Variants in PTPRM observed in about 807,000 individuals in gnomAD.
The protein encoded by PTPRM is receptor-type tyrosine-protein phosphatase mu.
In PTPRM, 47 loss-of-function variants were observed where a neutral mutation model predicts 186.7. The ratio of observed to expected loss-of-function variants is 0.25; its 90% CI spans 0.20 to 0.32. PTPRM has a LOEUF of 0.32. Ranked by LOEUF, PTPRM falls within the 10% of genes least tolerant of loss-of-function variation. PTPRM has a pLI of 1.00. For missense variants in PTPRM, 1,494 were observed against 1,865.0 expected (o/e 0.80, Z 3.66); for synonymous variants, 668 against 674.9 (o/e 0.99, Z 0.16).
At chr18:8,293,978 C>A (rs1011536597) in intron 19 of PTPRM, among the ~76,000 whole-genome samples, 27 of 152,146 alleles carry the variant, frequency 1.8e-4, no homozygotes, top group Admixed American at 3.9e-4. Flanking sequence ...CAAGGCTAGG[C>A]ACAGTGGCTC....
At chr18:7,913,505 T>C (rs920471333) in intron 4 of PTPRM, among the ~76,000 whole-genome samples, 1 of 152,194 alleles carries the variant, frequency 6.6e-6, no homozygotes, top group African/African-American at 2.4e-5. Flanking sequence ...TTCCTTTTTC[T>C]TCCTAGTTTG....
chr18:7,963,273 G>C (rs2053802060), intron 7 of PTPRM, among the ~76,000 whole-genome samples: 1 of 152,144 alleles, frequency 6.6e-6, no homozygotes, highest in Admixed American at 6.5e-5. Flanking sequence ...CAGAGATTCT[G>C]TAATTAATAC....
At chr18:7,996,962 A>G (rs1348442833) in intron 7 of PTPRM, among the ~76,000 whole-genome samples, 3 of 152,170 alleles carry the variant, frequency 2.0e-5, no homozygotes, top group African/African-American at 7.2e-5. Flanking sequence ...AAATACCTGT[A>G]TTACCTAAAG....
intron 14 of PTPRM, among the ~76,000 whole-genome samples, chr18:8,230,525 C>T (rs2094273896): frequency 6.6e-6 from 1 of 152,184 alleles, no homozygotes; most frequent in Non-Finnish European, 1.5e-5. Flanking sequence ...GTTCTCTAGC[C>T]ATGTGGCCAT....
At chr18:7,686,927 G>A (rs2144614690) in intron 1 of PTPRM, among the ~76,000 whole-genome samples, 1 of 152,274 alleles carries the variant, frequency 6.6e-6, no homozygotes, top group African/African-American at 2.4e-5. Flanking sequence ...TGACATCAGA[G>A]AGAAAGCTCC....
rs565092317 is a variant in PTPRM at position 8,287,362 on chromosome 18, C to T, written c.2755-9006C>T. On this transcript the variant is annotated intron_variant, in intron 19 of 32. Coordinates refer to ENST00000580170, the MANE Select transcript of PTPRM (RefSeq NM_001105244.2). The stretch of plus-strand genomic sequence containing the variant: ...GTGTGTCACACATGTTGAGTCTCAC[C>T]GCCCTTCATGTGGCCATGGTGTCAG... Among the ~76,000 whole-genome samples, 18 of 152,254 alleles carry T rather than the reference C, an allele frequency of 1.2e-4. No individual in the cohort carries two copies. The South Asian group carries it at 2.7e-3, about 23-fold the overall frequency.
chr18:8,367,576 G>T (rs939678284), intron 23 of PTPRM, among the ~76,000 whole-genome samples: 4 of 152,270 alleles, frequency 2.6e-5, no homozygotes, highest in Non-Finnish European at 5.9e-5. Context: ...CCGACGCGCG[G>T]GGGCGCCCGG....
At chr18:8,234,247 C>CT (rs1198873115) in intron 14 of PTPRM, among the ~76,000 whole-genome samples, 1 of 151,998 alleles carries the variant, frequency 6.6e-6, no homozygotes, top group Non-Finnish European at 1.5e-5. Context: ...TTATTTAGTT[C>CT]TTTGATTTCT....
At position 7,949,317 on chromosome 18, in the gene PTPRM, G is replaced by A. The variant is rs1659414090; in HGVS notation, c.800G>A (p.Gly267Asp). The A allele has an allele frequency of 6.2e-7, 1 of 1,613,950 alleles. No individual in the cohort carries two copies. ...CGCTGCATGATTCGCACTGAAGGAG[G>A]TGTTGGAATATCAAACTATGCAGAG... ...KYRCMIRTEG[G>D]VGISNYAELV... The change falls in exon 6 of 33, where the codon GGT becomes GAT. Residue 267 changes from glycine (G) to aspartate (D), a missense_variant. Transcript: ENST00000580170.
chr18:8,054,605 A>G (rs1243226028), intron 7 of PTPRM, among the ~76,000 whole-genome samples: 1 of 151,874 alleles, frequency 6.6e-6, no homozygotes, highest in Non-Finnish European at 1.5e-5. Flanking sequence ...AGATCTTACA[A>G]CACTGTAACT....
intron 2 of PTPRM, among the ~76,000 whole-genome samples, chr18:7,800,491 G>A (rs974399881): frequency 6.6e-6 from 1 of 152,146 alleles, no homozygotes; most frequent in African/African-American, 2.4e-5. Flanking sequence ...TGTATTTGTA[G>A]CCATCACATG....
chr18:8,078,883 A>G (rs2089976145), intron 9 of PTPRM, among the ~76,000 whole-genome samples: 1 of 152,078 alleles, frequency 6.6e-6, no homozygotes, highest in African/African-American at 2.4e-5. Context: ...TTCACTCATC[A>G]CCAAGGGGGT....
chr18:8,103,172 C>T (rs2145570229), intron 11 of PTPRM, among the ~76,000 whole-genome samples: 1 of 152,252 alleles, frequency 6.6e-6, no homozygotes, highest in South Asian at 2.1e-4. Context: ...CTTAAGGGCC[C>T]TAGGATGGTA....
At chr18:7,892,836 G>C (rs550253348) in intron 3 of PTPRM, among the ~76,000 whole-genome samples, 437 of 152,246 alleles carry the variant, frequency 2.9e-3, no homozygotes, top group Middle Eastern at 6.8e-3. Context: ...ACACAGTTAG[G>C]GGGAGGTCAG....
At chr18:7,580,197 G>C (rs929251770) in intron 1 of PTPRM, among the ~76,000 whole-genome samples, 1 of 152,170 alleles carries the variant, frequency 6.6e-6, no homozygotes, top group Non-Finnish European at 1.5e-5. Flanking sequence ...AGATTAGTTT[G>C]TCAGATGGCA....
At chr18:8,003,815 C>A (rs532869738) in intron 7 of PTPRM, among the ~76,000 whole-genome samples, 34 of 152,334 alleles carry the variant, frequency 2.2e-4, no homozygotes, top group Non-Finnish European at 3.7e-4. Context: ...CATTCCTTAC[C>A]TGCTCTCCTA....
intron 5 of PTPRM, among the ~76,000 whole-genome samples, chr18:7,947,507 C>T (rs1029881928): frequency 2.0e-5 from 3 of 152,166 alleles, no homozygotes; most frequent in African/African-American, 2.4e-5. Context: ...TGTAGGCTAG[C>T]ATTTTCATAG....
At chr18:8,062,942 C>G (rs1316317311) in intron 7 of PTPRM, among the ~76,000 whole-genome samples, 4 of 147,018 alleles carry the variant, frequency 2.7e-5, no homozygotes, top group African/African-American at 1.0e-4. Flanking sequence ...AGAGGTGGAG[C>G]CTACAGAGGC....
chr18:8,296,399 A>G lies in PTPRM; in HGVS notation c.2786A>G (p.Asp929Gly), dbSNP rs2095097552. Residue 929 changes from aspartate to glycine, a missense_variant, in exon 20 of 33, where the codon GAC becomes GGC. Physicochemically the swap from Asp to Gly is moderately conservative, Grantham distance 94 (BLOSUM62 -1). This residue lies in a region of PTPRM where 1,107 missense variants were observed against 1,350.2 expected (regional missense o/e 0.82). Coordinates refer to ENST00000580170, the MANE Select transcript of PTPRM (RefSeq NM_001105244.2). ...TTTGAAGGGCAGTCTGCACCATGGG[A>G]CTCGGCTAAGAAAGATGAGAACAGA... is the stretch of plus-strand genomic sequence containing the variant. ...SFFEGQSAPW[D>G]SAKKDENRMK... 6.2e-7 allele frequency: 1 copy of G among 1,611,134 alleles called. No homozygotes were observed. The highest frequency in any genetic ancestry group is 8.5e-7 in the Non-Finnish European group (1 of 1,177,574).
Sources: gnomAD v4.1 joint callset for allele counts (sites outside exome capture counted in the v4.1 genomes callset) on GRCh38, gnomAD v4.1.1 for gene constraint, gnomAD v4.1.1 regional missense constraint, MANE v1.5 for transcripts, NCBI Gene and HGNC (gene_info 2026-07-23, HGNC 2026-07-21) for gene names.